The following USH2A variants were observed in gnomAD, a reference collection of about 807,000 sequenced individuals.
USH2A encodes the protein Usher syndrome 2A (autosomal recessive, mild).
USH2A carries 443 observed loss-of-function variants against 538.9 expected under a neutral mutation model. The ratio of observed to expected loss-of-function variants is 0.82; its 90% CI spans 0.76 to 0.89. The LOEUF (loss-of-function observed/expected upper bound fraction) is 0.89. Among genes scored for constraint, USH2A ranks in the 40% least tolerant of loss-of-function variants. The pLI, the probability that USH2A is intolerant of heterozygous loss-of-function variation, is 0.00. For synonymous variants in USH2A, 2,413 were observed against 2,273.5 expected, an observed-to-expected ratio of 1.06 and a Z score of -1.75; for missense variants, 6,633 against 6,324.8, an observed-to-expected ratio of 1.05 and a Z score of -1.65.
chr1:216,031,389 A>G (rs997451546), intron 32 of USH2A, among the ~76,000 whole-genome samples: 10 of 152,138 alleles, frequency 6.6e-5, no homozygotes, highest in Admixed American at 5.9e-4. Context: ...ACACTATTTA[A>G]AAGGATTTAA....
intron 4 of USH2A, among the ~76,000 whole-genome samples, chr1:216,346,710 A>G (rs1041436834): frequency 2.0e-5 from 3 of 151,296 alleles, no homozygotes; most frequent in Admixed American, 1.3e-4. Context: ...TTAATTCCTG[A>G]AGATCTAGTT....
chr1:216,039,886 C>T (rs1366238971), intron 32 of USH2A, among the ~76,000 whole-genome samples: 1 of 151,838 alleles, frequency 6.6e-6, no homozygotes, highest in African/African-American at 2.4e-5. Flanking sequence ...TCTCTTTGAC[C>T]TTGGCAAATA....
chr1:215,671,192 G>T lies in USH2A; in HGVS notation c.13913C>A (p.Pro4638Gln). 6.2e-7 allele frequency: 1 copy of T among 1,614,144 alleles called. No individual in the cohort carries two copies. The highest frequency in any genetic ancestry group is 8.5e-7 in the Non-Finnish European group (1 of 1,180,008). Reference sequence around the variant, plus strand: ...TGGAGCCATTTGTACCTCCAGATGTGGAGGGGGTTGCATCAAAGGTGCAAT... The same window carrying T: ...TGGAGCCATTTGTACCTCCAGATGTTGAGGGGGTTGCATCAAAGGTGCAAT... ...PEIAPLMQPP[P>Q]HLEVQMAPGG... Residue 4638 changes from proline (P) to glutamine (Q), a missense_variant, in exon 64 of 72, where the codon CCA becomes CAA. Pro to Gln is a moderately conservative substitution (Grantham distance 76). Coordinates refer to ENST00000307340, the MANE Select transcript of USH2A (RefSeq NM_206933.4).
At chr1:215,866,505 A>T (rs1316367140) in intron 44 of USH2A, among the ~76,000 whole-genome samples, 2 of 152,204 alleles carry the variant, frequency 1.3e-5, no homozygotes, top group Admixed American at 6.5e-5. Flanking sequence ...CAGTCTGAAG[A>T]TGATCCACTG....
intron 35 of USH2A, among the ~76,000 whole-genome samples, chr1:215,980,833 T>C (rs1031550312): frequency 2.6e-5 from 4 of 152,140 alleles, no homozygotes; most frequent in African/African-American, 9.7e-5. Flanking sequence ...ACAGGGCAAA[T>C]GTTATTTATT....
chr1:216,050,560 T>TTTTCTTTCTTTCTCTTTCTTTCTTTC (rs779228264), intron 30 of USH2A, among the ~76,000 whole-genome samples: 9 of 35,696 alleles, frequency 2.5e-4, no homozygotes, highest in African/African-American at 6.6e-4. Flanking sequence ...ATTTGTATCT[T>TTTTCTTTCTTTCTCTTTCTTTCTTTC]TTTCTTTCTT....
intron 21 of USH2A, among the ~76,000 whole-genome samples, chr1:216,120,375 T>TATG (rs1427796281): frequency 4.6e-5 from 3 of 65,404 alleles, no homozygotes; most frequent in Non-Finnish European, 1.0e-4. Flanking sequence ...TCTGTATTAT[T>TATG]TATGTATTTA....
intron 44 of USH2A, among the ~76,000 whole-genome samples, chr1:215,862,364 T>C (rs965489893): frequency 6.7e-6 from 1 of 150,160 alleles, no homozygotes; most frequent in East Asian, 2.0e-4. Context: ...AATTGAACAA[T>C]GAGAACACTA....
At chr1:216,422,588 A>G (rs1449174112) in intron 1 of USH2A, 48 bp from the exon 2 acceptor site, 1 of 480,868 alleles carries the variant, frequency 2.1e-6, no homozygotes, top group Non-Finnish European at 3.7e-6. Flanking sequence ...CTGCACCTTT[A>G]AAACTGAAGC....
chr1:216,036,777 C>T (rs2102516271), intron 32 of USH2A, among the ~76,000 whole-genome samples: 1 of 152,088 alleles, frequency 6.6e-6, no homozygotes, highest in Admixed American at 6.5e-5. Context: ...AGGAATTTAA[C>T]AACTAACAAC....
chr1:215,683,386 T>C (rs1658307391), intron 61 of USH2A, among the ~76,000 whole-genome samples: 2 of 152,194 alleles, frequency 1.3e-5, no homozygotes, highest in Admixed American at 1.3e-4. Context: ...TCCTTGCCAA[T>C]TTATTCTTTG....
intron 21 of USH2A, among the ~76,000 whole-genome samples, chr1:216,110,222 G>C (rs1571968985): frequency 1.3e-5 from 2 of 152,296 alleles, no homozygotes; most frequent in South Asian, 4.1e-4. Context: ...GCCAGGCACA[G>C]TGTCATATGC....
chr1:216,065,713 A>G (rs2031335777), intron 30 of USH2A, among the ~76,000 whole-genome samples: 2 of 152,034 alleles, frequency 1.3e-5, no homozygotes, highest in Non-Finnish European at 2.9e-5. Flanking sequence ...CCTGGCCAAC[A>G]TGGTGAAACT....
At chr1:216,110,547 A>C (rs370190152) in intron 21 of USH2A, among the ~76,000 whole-genome samples, 40 of 152,234 alleles carry the variant, frequency 2.6e-4, no homozygotes, top group African/African-American at 9.4e-4. Context: ...CTGAATAATA[A>C]AGATAAACAA....
Position 216,292,293 on chromosome 1 carries a change from A to C in USH2A, c.1722T>G (p.Pro574=), listed in dbSNP as rs397518002. The change falls in exon 10 of 72, where the codon CCT becomes CCG. Residue 574 remains proline (P), a synonymous_variant. Coordinates refer to ENST00000307340, the MANE Select transcript of USH2A (RefSeq NM_206933.4). The stretch of plus-strand genomic sequence containing the variant: ...TTTTGGAATGGCTGTTGCATTGACA[A>C]GGTTTACAATTGAAAGCGTAAACTT... ...GDQVYAFNCK[P]CQCNSHSKSC... is the part of the protein sequence containing the mutation. 3 of 1,614,122 alleles carry C rather than the reference A, an allele frequency of 1.9e-6. No homozygotes were observed. The highest frequency in any genetic ancestry group is 2.5e-6 in the Non-Finnish European group (3 of 1,179,974).
chr1:216,042,176 A>G (rs12145512), intron 32 of USH2A, among the ~76,000 whole-genome samples: 63,236 of 151,800 alleles, frequency 0.42, 13,701 homozygotes, highest in Non-Finnish European at 0.5. Flanking sequence ...TATAGTCATA[A>G]TATAATAAGG....
rs186854932 is a variant in USH2A at position 216,019,706 on chromosome 1, G to A, written c.6326-19144C>T. 3.2e-3 allele frequency among the ~76,000 whole-genome samples: 484 copies of A among 152,234 alleles called. 2 individuals carry two copies. Among genetic ancestry groups the A allele is most frequent in the Middle Eastern group, 6.8e-3 (2 of 294 alleles). ...TAGTAGTTACAAAGGCTGGGAGAGC[G>A]TCACCCATTTAATTCATCATAAAAT... On this transcript the variant is annotated intron_variant, in intron 32 of 71. Transcript: ENST00000307340.
At chr1:215,646,643 A>C (rs1485506314) in intron 67 of USH2A, among the ~76,000 whole-genome samples, 1 of 151,838 alleles carries the variant, frequency 6.6e-6, no homozygotes, top group Non-Finnish European at 1.5e-5. Flanking sequence ...TCTCCTGCTT[A>C]AGCCTCCTGA....
intron 35 of USH2A, among the ~76,000 whole-genome samples, chr1:215,971,412 A>G (rs1050981792): frequency 1.3e-5 from 2 of 152,108 alleles, no homozygotes; most frequent in African/African-American, 2.4e-5. Flanking sequence ...AAGATAGAAC[A>G]GGAAGGACAT....
Sources: gnomAD v4.1 joint callset for allele counts (sites outside exome capture counted in the v4.1 genomes callset) on GRCh38, gnomAD v4.1.1 for gene constraint, MANE v1.5 for transcripts, NCBI Gene and HGNC (gene_info 2026-07-23, HGNC 2026-07-21) for gene names.